CDH18: variants seen among roughly 807,000 people sequenced by gnomAD.
The protein encoded by CDH18 is cadherin 18.
CDH18 carries 31 observed loss-of-function variants against 67.9 expected under a neutral mutation model. The observed-to-expected ratio is 0.46, with a 90% CI of 0.34 to 0.62. The LOEUF is 0.62. CDH18 is among the 20% of genes least tolerant of loss of function. CDH18 has a pLI of 0.01. For missense variants in CDH18, 890 were observed against 975.5 expected (o/e 0.91, Z 1.17); for synonymous variants, 362 against 347.2 (o/e 1.04, Z -0.48).
chr5:19,648,533 C>T (rs1350633439), intron 5 of CDH18, among the ~76,000 whole-genome samples: 1 of 152,090 alleles, frequency 6.6e-6, no homozygotes, highest in Non-Finnish European at 1.5e-5. Flanking sequence ...TTATTGTTTT[C>T]AAATTCAACT....
chr5:19,656,129 A>G (rs1359106816), intron 5 of CDH18, among the ~76,000 whole-genome samples: 1 of 151,908 alleles, frequency 6.6e-6, no homozygotes, highest in Non-Finnish European at 1.5e-5. Flanking sequence ...CCTTCCATGC[A>G]AGTAGGCAGG....
At chr5:20,231,960 G>A (rs970470490) in intron 2 of CDH18, among the ~76,000 whole-genome samples, 1 of 152,032 alleles carries the variant, frequency 6.6e-6, no homozygotes, top group African/African-American at 2.4e-5. Context: ...ATGCTAGAAT[G>A]TAAAGAGTAA....
intron 11 of CDH18, among the ~76,000 whole-genome samples, chr5:19,489,535 C>T (rs954643856): frequency 1.3e-5 from 2 of 152,230 alleles, no homozygotes; most frequent in East Asian, 1.9e-4. Context: ...GTGTGAGCCA[C>T]CGCGCCTGGC....
Position 19,881,266 on chromosome 5 carries a change from T to C in CDH18, c.-256-42024A>G, listed in dbSNP as rs988566787. Among the ~76,000 whole-genome samples the C allele has an allele frequency of 5.3e-5, 8 of 152,246 alleles. No homozygotes were observed. In the East Asian group the frequency reaches 1.5e-3, roughly 29 times the overall value. On this transcript the variant is annotated intron_variant, in intron 2 of 12. Transcript: ENST00000382275. ...AAACTTATGTAAATATCTAGACAAA[T>C]ATTTCTTTGTCTTATGTGCTACCCA...
intron 2 of CDH18, among the ~76,000 whole-genome samples, chr5:20,161,660 T>G (rs1202697644): frequency 1.3e-5 from 2 of 152,236 alleles, no homozygotes; most frequent in Non-Finnish European, 1.5e-5. Context: ...TTTTTGATTA[T>G]AATTTGATAT....
rs1739817558 is a variant in CDH18 at position 19,483,401 on chromosome 5, A to ATC, written c.1780_1781dup (p.Asp594GlufsTer19). On this transcript the variant is annotated frameshift_variant, in exon 12 of 13. Transcript: ENST00000382275. LOFTEE classifies it high-confidence loss of function. ...CTGCATGGCAGGTCCGCACACGCCC[A>ATC]TCTCTCTCGCATGCACAAACCCTGA... 6.2e-7 allele frequency: 1 copy of ATC among 1,613,984 alleles called. No individual in the cohort carries two copies. Among genetic ancestry groups the ATC allele is most frequent in the African/African-American group, 1.3e-5 (1 of 74,914 alleles).
At chr5:20,261,415 T>C (rs886125685) in intron 1 of CDH18, among the ~76,000 whole-genome samples, 2 of 152,058 alleles carry the variant, frequency 1.3e-5, no homozygotes, top group Non-Finnish European at 2.9e-5. Context: ...ATACTTGAAA[T>C]GTAGAAATTA....
intron 3 of CDH18, among the ~76,000 whole-genome samples, chr5:19,758,314 C>T (rs761764880): frequency 6.6e-6 from 1 of 152,150 alleles, no homozygotes. Flanking sequence ...CAGTAACAGG[C>T]CAAGAGCTGC....
intron 5 of CDH18, among the ~76,000 whole-genome samples, chr5:19,675,697 A>G (rs897694189): frequency 2.0e-5 from 3 of 151,992 alleles, no homozygotes; most frequent in Non-Finnish European, 4.4e-5. Context: ...CAATCATCAC[A>G]GGGTCCTGAG....
At chr5:20,536,293 G>T (rs1473109497) in intron 1 of CDH18, among the ~76,000 whole-genome samples, 2 of 152,040 alleles carry the variant, frequency 1.3e-5, no homozygotes, top group African/African-American at 2.4e-5. Context: ...GGGACTGGGG[G>T]AAAATAATAC....
chr5:19,901,438 C>A (rs973706996), intron 2 of CDH18, among the ~76,000 whole-genome samples: 1 of 152,042 alleles, frequency 6.6e-6, no homozygotes, highest in African/African-American at 2.4e-5. Flanking sequence ...TATCCACTTA[C>A]ATTTGAATTC....
At chr5:20,202,778 T>C (rs745602191) in intron 2 of CDH18, among the ~76,000 whole-genome samples, 2 of 152,120 alleles carry the variant, frequency 1.3e-5, no homozygotes, top group Non-Finnish European at 2.9e-5. Context: ...ATACTACATA[T>C]TTTTGTCTGA....
intron 1 of CDH18, among the ~76,000 whole-genome samples, chr5:20,546,939 T>C (rs1757377702): frequency 1.3e-5 from 2 of 152,196 alleles, no homozygotes; most frequent in Non-Finnish European, 2.9e-5. Context: ...CAAGTGATAG[T>C]CCTTGATGGC....
At position 20,126,818 on chromosome 5, in the gene CDH18, C is replaced by G. The variant is rs534469947; in HGVS notation, c.-518+128626G>C. Among the ~76,000 whole-genome samples the G allele has an allele frequency of 3.5e-3, 531 of 152,222 alleles. 2 individuals carry two copies. Among genetic ancestry groups the G allele is most frequent in the Non-Finnish European group, 3.9e-3 (265 of 68,008 alleles). On this transcript the variant is annotated intron_variant, in intron 2 of 14. Transcript: ENST00000507958. ...TTATCAAAAACTAAAAAAAACAAGG[C>G]TTGCCTAGTAGGCAAATTGAAACTT...
At chr5:20,340,180 A>C (rs771602598) in intron 1 of CDH18, among the ~76,000 whole-genome samples, 1 of 152,194 alleles carries the variant, frequency 6.6e-6, no homozygotes, top group Non-Finnish European at 1.5e-5. Context: ...TTAATAAAAC[A>C]CACCTCCCTG....
intron 2 of CDH18, among the ~76,000 whole-genome samples, chr5:20,022,777 T>C (rs1344817704): frequency 6.6e-6 from 1 of 152,200 alleles, no homozygotes; most frequent in African/African-American, 2.4e-5. Context: ...TGTGAGACAA[T>C]TCTATGCAAG....
chr5:19,609,198 G>A (rs1216412565), intron 6 of CDH18, among the ~76,000 whole-genome samples: 1 of 151,920 alleles, frequency 6.6e-6, no homozygotes, highest in African/African-American at 2.4e-5. Context: ...TTCTCTAGAA[G>A]GAGAAGTACA....
chr5:19,861,653 A>G (rs952263773), intron 2 of CDH18, among the ~76,000 whole-genome samples: 8 of 152,164 alleles, frequency 5.3e-5, no homozygotes, highest in Non-Finnish European at 1.0e-4. Flanking sequence ...TTCTATATAT[A>G]TTCTAAAGGT....
chr5:20,470,764 C>G (rs781033641), intron 1 of CDH18, among the ~76,000 whole-genome samples: 6 of 152,148 alleles, frequency 3.9e-5, no homozygotes, highest in Admixed American at 1.3e-4. Context: ...CAAGTTCCAG[C>G]AATAATGATG....
Sources: gnomAD v4.1 joint callset for allele counts (sites outside exome capture counted in the v4.1 genomes callset) on GRCh38, gnomAD v4.1.1 for gene constraint, MANE v1.5 for transcripts, NCBI Gene and HGNC (gene_info 2026-07-23, HGNC 2026-07-21) for gene names.